AKR1C4: variants seen among roughly 807,000 people sequenced by gnomAD.
AKR1C4 encodes the protein aldo-keto reductase family 1 member C4.
Under a neutral mutation model 41.0 loss-of-function variants are expected in AKR1C4, and 44 were observed. That is an observed-to-expected ratio of 1.07 (90% CI 0.84 to 1.38). AKR1C4 has a LOEUF of 1.38. Ranked by LOEUF, AKR1C4 falls within the 40% of genes most tolerant of loss-of-function variation. The pLI, the probability that AKR1C4 is intolerant of heterozygous loss-of-function variation, is 0.00. For synonymous variants in AKR1C4, 165 were observed against 137.7 expected, an observed-to-expected ratio of 1.20 and a Z score of -1.39; for missense variants, 438 against 387.9, an observed-to-expected ratio of 1.13 and a Z score of -1.09.
intron 1 of AKR1C4, among the ~76,000 whole-genome samples, chr10:5,199,063 C>A (rs887031947): frequency 2.6e-5 from 4 of 152,110 alleles, no homozygotes; most frequent in African/African-American, 9.7e-5. Flanking sequence ...GTTAATTTTT[C>A]TAACAAATGA....
intron 5 of AKR1C4, among the ~76,000 whole-genome samples, chr10:5,208,461 G>A (rs1832521844): frequency 6.6e-6 from 1 of 151,558 alleles, no homozygotes; most frequent in Non-Finnish European, 1.5e-5. Context: ...ACATCTACAT[G>A]TTATCATCTA....
In AKR1C4 at chr10:5,204,739, C is replaced by CT. The variant is rs139026970; in HGVS notation, c.369+248dup. ...AATTCAAGAAAATAACAACAGCCAC[C>CT]TTCAAGGCTCTGTCTTAATTAGGGT... On this transcript the variant is annotated intron_variant, in intron 3 of 8. Coordinates refer to ENST00000263126, the MANE Select transcript of AKR1C4 (RefSeq NM_001818.5). 6.4e-4 allele frequency: 380 copies of CT among 589,568 alleles called. 4 individuals are homozygous for CT. The East Asian group carries it at 0.012, about 18-fold the overall frequency. The allele number at this position is 589,568 out of a possible 1,614,324, so 36.5% of individuals were successfully genotyped here.
chr10:5,209,538 T>C (rs1832538172), intron 5 of AKR1C4, among the ~76,000 whole-genome samples: 1 of 152,200 alleles, frequency 6.6e-6, no homozygotes, highest in Admixed American at 6.5e-5. Context: ...ATTAGTCCAT[T>C]TTCATGCTAC....
chr10:5,205,146 A>C (rs1029491084), intron 3 of AKR1C4, among the ~76,000 whole-genome samples: 6 of 149,738 alleles, frequency 4.0e-5, no homozygotes, highest in African/African-American at 1.5e-4. Context: ...TAGACTCTAA[A>C]AATGTGACCT....
In AKR1C4 at chr10:5,208,567, A is replaced by G. The variant is rs1299831475; in HGVS notation, c.570+2170A>G. ...CAGGTAGTATTTGTTGAATCTCTTC[A>G]AAATATATTCCAATGATCACAATTC... On this transcript the variant is annotated intron_variant, in intron 5 of 8. Transcript: ENST00000263126. Among the ~76,000 whole-genome samples, 3 of 151,566 alleles carry G rather than the reference A, an allele frequency of 2.0e-5. No individual in the cohort carries two copies. The East Asian group carries it at 5.8e-4, about 29-fold the overall frequency.
intron 8 of AKR1C4, among the ~76,000 whole-genome samples, chr10:5,217,300 C>G (rs1832670167): frequency 6.6e-6 from 1 of 152,168 alleles, no homozygotes. Flanking sequence ...TTAATTGTTT[C>G]AAATTTCTTT....
chr10:5,213,046 G>A lies in AKR1C4; in HGVS notation c.733G>A (p.Ala245Thr). The A allele has an allele frequency of 1.2e-6, 2 of 1,614,146 alleles. No homozygotes were observed. The highest frequency in any genetic ancestry group is 1.7e-6 in the Non-Finnish European group (2 of 1,180,022). Reference sequence around the variant, plus strand: ...GGAGGACCCAGTTCTTTGTGCCTTAGCAAAGAAACACAAACAAACCCCAGC... The same window carrying A: ...GGAGGACCCAGTTCTTTGTGCCTTAACAAAGAAACACAAACAAACCCCAGC... ...LLEDPVLCALAKKHKQTPALI... is the reference protein window; with the variant it reads ...LLEDPVLCALTKKHKQTPALI... Residue 245 changes from alanine (A) to threonine (T), a missense_variant, in exon 7 of 9, where the codon GCA (alanine) becomes ACA (threonine). Coordinates refer to ENST00000263126, the MANE Select transcript of AKR1C4 (RefSeq NM_001818.5).
At chr10:5,205,482 T>A (rs1554797374) in intron 3 of AKR1C4, among the ~76,000 whole-genome samples, 1 of 152,144 alleles carries the variant, frequency 6.6e-6, no homozygotes, top group South Asian at 2.1e-4. Flanking sequence ...AAAAAAATTA[T>A]AGGATCAGAC....
rs1554797239 is a variant in AKR1C4, at chr10:5,204,376, G to T, written c.253-1G>T. On this transcript the variant is annotated splice_acceptor_variant, in intron 2 of 8. Coordinates refer to ENST00000263126, the MANE Select transcript of AKR1C4 (RefSeq NM_001818.5). LOFTEE classifies it high-confidence loss of function. Reference sequence around the variant, plus strand: ...CATAAATCCTTTATTTTACCATGCAGCTTTGGTGCACTTTCTTTCAACCAC... The same window carrying T: ...CATAAATCCTTTATTTTACCATGCATCTTTGGTGCACTTTCTTTCAACCAC... 1 of 1,608,750 alleles carries T rather than the reference G, an allele frequency of 6.2e-7. No homozygotes were observed. Among genetic ancestry groups the T allele is most frequent in the East Asian group, 2.2e-5 (1 of 44,844 alleles).
rs1329937282 is a variant in AKR1C4 at position 5,212,608 on chromosome 10, A to G, written c.571-8A>G. The G allele has an allele frequency of 6.2e-7, 1 of 1,603,028 alleles. No homozygotes were observed. Among genetic ancestry groups the G allele is most frequent in the East Asian group, 2.2e-5 (1 of 44,782 alleles). ...TATCTGATGCTTTTCTCTCTTGATC[A>G]TCTAAAGGTAGAATGTCATCCTTAC... On this transcript the variant is annotated splice_polypyrimidine_tract_variant and splice_region_variant and intron_variant, in intron 5 of 8. Coordinates refer to ENST00000263126, the MANE Select transcript of AKR1C4 (RefSeq NM_001818.5).
intron 1 of AKR1C4, 53 bp from the exon 2 acceptor site, chr10:5,200,128 A>G: frequency 6.4e-7 from 1 of 1,566,668 alleles, no homozygotes. Flanking sequence ...TTCCTGTTTC[A>G]CTACCTCTCA....
rs576480718 is a variant in AKR1C4, at chr10:5,214,037, T to G, written c.846+878T>G. Among the ~76,000 whole-genome samples the G allele has an allele frequency of 1.3e-4, 19 of 151,948 alleles. No individual in the cohort carries two copies. In the East Asian group the frequency reaches 3.7e-3, roughly 29 times the overall value. ...TGTTAATATATTATATAGTAAAATA[T>G]TATGTAGTAATACAAAGTAATATAT... On this transcript the variant is annotated intron_variant, in intron 7 of 8. Transcript: ENST00000263126.
chr10:5,215,488 G>A (rs937383881), intron 7 of AKR1C4, among the ~76,000 whole-genome samples: 3 of 152,100 alleles, frequency 2.0e-5, no homozygotes, highest in African/African-American at 7.2e-5. Flanking sequence ...ATTCTGGAGA[G>A]GCTTCAGGAA....
intron 2 of AKR1C4, among the ~76,000 whole-genome samples, chr10:5,200,804 G>A (rs1251055862): frequency 3.3e-5 from 5 of 152,186 alleles, no homozygotes; most frequent in African/African-American, 9.6e-5. Flanking sequence ...TATATAATCT[G>A]TATATCTATA....
intron 8 of AKR1C4, 135 bp from the exon 9 acceptor site, chr10:5,218,583 G>C (rs943036900): frequency 3.6e-6 from 2 of 550,718 alleles, no homozygotes; most frequent in African/African-American, 3.9e-5. Context: ...GTTCATGAAA[G>C]ACATTCTACA....
chr10:5,216,563 T>G, intron 7 of AKR1C4, 148 bp from the exon 8 acceptor site: 1 of 585,324 alleles, frequency 1.7e-6, no homozygotes, highest in Non-Finnish European at 3.0e-6. Context: ...TTTAATCACT[T>G]GAGAGTTTAG....
intron 7 of AKR1C4, among the ~76,000 whole-genome samples, chr10:5,214,897 G>T (rs1832633944): frequency 6.6e-6 from 1 of 152,116 alleles, no homozygotes. Context: ...TTTGTATACT[G>T]AGACCCTCTT....
intron 5 of AKR1C4, among the ~76,000 whole-genome samples, chr10:5,209,851 C>A (rs7909379): frequency 0.12 from 17,123 of 139,402 alleles, 1,163 homozygotes; most frequent in Admixed American, 0.18. Context: ...GGACACATAG[C>A]CAAACCATAT....
At chr10:5,204,549 G>A in intron 3 of AKR1C4, 56 bp downstream of exon 3, 1 of 1,324,076 alleles carries the variant, frequency 7.6e-7, no homozygotes, top group Non-Finnish European at 1.1e-6. Context: ...CATCCTTTAT[G>A]ATGGTTGAAT....
Sources: allele counts gnomAD v4.1 joint callset (sites outside exome capture counted in the v4.1 genomes callset), GRCh38; gene constraint gnomAD v4.1.1; transcripts MANE v1.5; gene names NCBI Gene and HGNC (gene_info 2026-07-23, HGNC 2026-07-21).